The following CNTNAP2 variants were observed in gnomAD, a reference collection of about 807,000 sequenced individuals.
The protein encoded by CNTNAP2 is contactin associated protein 2.
CNTNAP2 carries 98 observed loss-of-function variants against 155.2 expected under a neutral mutation model. The observed-to-expected ratio is 0.63, with a 90% confidence interval of 0.54 to 0.75. The LOEUF (loss-of-function observed/expected upper bound fraction) is 0.75. Ranked by LOEUF, CNTNAP2 falls within the 30% of genes least tolerant of loss-of-function variation. The pLI is 0.00. For synonymous variants in CNTNAP2, 651 were observed against 631.2 expected, an observed-to-expected ratio of 1.03 and a Z score of -0.47; for missense variants, 1,727 against 1,688.1, an observed-to-expected ratio of 1.02 and a Z score of -0.40.
At chr7:146,817,423 G>C (rs968261328) in intron 2 of CNTNAP2, among the ~76,000 whole-genome samples, 79 of 151,248 alleles carry the variant, frequency 5.2e-4, no homozygotes, top group African/African-American at 1.9e-3. Context: ...AGTGAGCCGA[G>C]ATCGTGCCAC....
intron 21 of CNTNAP2, among the ~76,000 whole-genome samples, chr7:148,375,585 T>TCCTGA (rs1397505578): frequency 6.6e-6 from 1 of 150,688 alleles, no homozygotes; most frequent in African/African-American, 2.4e-5. Flanking sequence ...GGTCTCAAAC[T>TCCTGA]CCTGACCTCG....
At chr7:147,536,825 AC>A (rs1402413173) in intron 11 of CNTNAP2, among the ~76,000 whole-genome samples, 1 of 151,968 alleles carries the variant, frequency 6.6e-6, no homozygotes, top group Non-Finnish European at 1.5e-5. Context: ...GCCTGATGCT[AC>A]CTCCCAGGCC....
chr7:147,322,005 T>C (rs1348199847), intron 9 of CNTNAP2, among the ~76,000 whole-genome samples: 3 of 152,240 alleles, frequency 2.0e-5, no homozygotes, highest in South Asian at 2.1e-4. Flanking sequence ...GCTAATGCAG[T>C]GTTCCATGGA....
At chr7:147,064,490 C>G (rs1212935430) in intron 4 of CNTNAP2, among the ~76,000 whole-genome samples, 1 of 152,080 alleles carries the variant, frequency 6.6e-6, no homozygotes, top group East Asian at 1.9e-4. Flanking sequence ...CTGACCACAC[C>G]ATCTATAGAG....
chr7:148,380,459 G>A (rs935289786), intron 21 of CNTNAP2, among the ~76,000 whole-genome samples: 8 of 152,104 alleles, frequency 5.3e-5, no homozygotes, highest in Non-Finnish European at 7.4e-5. Flanking sequence ...TGGCTCAGCC[G>A]CTAATGAAAC....
chr7:146,874,465 G>A lies in CNTNAP2; in HGVS notation c.402+34561G>A, dbSNP rs369169406. On this transcript the variant is annotated intron_variant, in intron 3 of 23. Coordinates refer to ENST00000361727, the MANE Select transcript of CNTNAP2 (RefSeq NM_014141.6). Reference sequence around the variant, plus strand: ...AGTGATTCTCCTGCCTCGGCTTCCCGAGTAGCTGGGATTACAGGCACCTGC... The same window carrying A: ...AGTGATTCTCCTGCCTCGGCTTCCCAAGTAGCTGGGATTACAGGCACCTGC... Among the ~76,000 whole-genome samples, 11 of 152,100 alleles carry A rather than the reference G, an allele frequency of 7.2e-5. No individual in the cohort carries two copies. In the East Asian group the frequency reaches 1.9e-3, roughly 27 times the overall value.
intron 1 of CNTNAP2, among the ~76,000 whole-genome samples, chr7:146,598,839 CA>C (rs1798903556): frequency 6.6e-6 from 1 of 151,996 alleles, no homozygotes; most frequent in South Asian, 2.1e-4. Flanking sequence ...AACTGTTTCC[CA>C]AACTCCACAT....
At chr7:148,146,585 A>G (rs180911490) in intron 16 of CNTNAP2, among the ~76,000 whole-genome samples, 65 of 152,350 alleles carry the variant, frequency 4.3e-4, no homozygotes, top group African/African-American at 1.5e-3. Context: ...GGTCAGTGCT[A>G]GAGGGTAGGT....
chr7:146,501,489 A>G (rs995626243), intron 1 of CNTNAP2, among the ~76,000 whole-genome samples: 7 of 151,918 alleles, frequency 4.6e-5, no homozygotes, highest in Middle Eastern at 3.4e-3. Flanking sequence ...AGTTTATCTC[A>G]CTTGTAGGCA....
chr7:147,728,495 G>T (rs1738880367), intron 13 of CNTNAP2, among the ~76,000 whole-genome samples: 1 of 151,976 alleles, frequency 6.6e-6, no homozygotes. Context: ...ATCAAATGGG[G>T]ATCAGAGTAG....
At chr7:147,386,031 C>A (rs1480173163) in intron 9 of CNTNAP2, among the ~76,000 whole-genome samples, 1 of 152,168 alleles carries the variant, frequency 6.6e-6, no homozygotes, top group Non-Finnish European at 1.5e-5. Context: ...ATGGAAGCTG[C>A]CAAGACTTGG....
intron 15 of CNTNAP2, among the ~76,000 whole-genome samples, chr7:147,997,162 A>C (rs1407603906): frequency 3.3e-5 from 5 of 152,188 alleles, no homozygotes; most frequent in Admixed American, 1.3e-4. Context: ...TAAGCTACCC[A>C]GTTTACGATA....
chr7:148,379,765 G>A (rs1256200140), intron 21 of CNTNAP2, among the ~76,000 whole-genome samples: 1 of 152,030 alleles, frequency 6.6e-6, no homozygotes, highest in African/African-American at 2.4e-5. Flanking sequence ...TTATCCAATC[G>A]CTGAAAAGGA....
chr7:146,704,502 T>C lies in CNTNAP2; in HGVS notation c.98-69769T>C, dbSNP rs1800930405. ...GATGGGCCAAGTGACTCACGCGAAG[T>C]CAGGAAATAGTTAATGGCAAAGTTT... On this transcript the variant is annotated intron_variant, in intron 1 of 23. Transcript: ENST00000361727. Among the ~76,000 whole-genome samples, 7 of 152,240 alleles carry C rather than the reference T, an allele frequency of 4.6e-5. No individual in the cohort carries two copies. In the South Asian group the frequency reaches 1.5e-3, roughly 32 times the overall value.
chr7:147,452,121 T>C (rs1193287329), intron 10 of CNTNAP2, among the ~76,000 whole-genome samples: 2 of 152,170 alleles, frequency 1.3e-5, no homozygotes, highest in Non-Finnish European at 2.9e-5. Context: ...AGAAAAATAA[T>C]GAAATGACAT....
chr7:147,754,263 C>T lies in CNTNAP2; in HGVS notation c.2098+114957C>T, dbSNP rs895975868. 4.6e-5 allele frequency among the ~76,000 whole-genome samples: 7 copies of T among 152,254 alleles called. No individual in the cohort carries two copies. The South Asian group carries it at 1.2e-3, about 27-fold the overall frequency. On this transcript the variant is annotated intron_variant, in intron 13 of 23. Transcript: ENST00000361727. ...GAGCAATGAAGCAAAATGTACTAGACACTTTTGGAAGCTGCTAAGGCACCA... is the reference window on the plus strand; with the variant it reads ...GAGCAATGAAGCAAAATGTACTAGATACTTTTGGAAGCTGCTAAGGCACCA...
At chr7:148,251,204 A>G (rs1264194257) in intron 20 of CNTNAP2, among the ~76,000 whole-genome samples, 1 of 152,168 alleles carries the variant, frequency 6.6e-6, no homozygotes, top group African/African-American at 2.4e-5. Context: ...AGCTGGCTAC[A>G]AATTCAGAGG....
chr7:147,835,626 G>A (rs1009228081), intron 13 of CNTNAP2, among the ~76,000 whole-genome samples: 1 of 152,164 alleles, frequency 6.6e-6, no homozygotes, highest in Admixed American at 6.5e-5. Flanking sequence ...CTTCAATTGT[G>A]TGCCCCAAAA....
intron 1 of CNTNAP2, among the ~76,000 whole-genome samples, chr7:146,405,413 A>G (rs543235638): frequency 1.1e-4 from 16 of 152,342 alleles, no homozygotes; most frequent in Admixed American, 5.2e-4. Flanking sequence ...AAATGAATGC[A>G]TGTTATGCAA....
Sources: gnomAD v4.1 joint callset for allele counts (sites outside exome capture counted in the v4.1 genomes callset) on GRCh38, gnomAD v4.1.1 for gene constraint, MANE v1.5 for transcripts, NCBI Gene and HGNC (gene_info 2026-07-23, HGNC 2026-07-21) for gene names.